GRM8: variants seen among roughly 807,000 people sequenced by gnomAD.
GRM8 encodes glutamate metabotropic receptor 8, also known as metabotropic glutamate receptor 8.
In GRM8, 47 loss-of-function variants were observed where a neutral mutation model predicts 87.2. The ratio of observed to expected loss-of-function variants is 0.54; its 90% CI spans 0.43 to 0.69. The LOEUF (loss-of-function observed/expected upper bound fraction) is 0.69, where lower values mean the gene tolerates loss of function less well. Ranked by LOEUF, GRM8 falls within the 30% of genes least tolerant of loss-of-function variation. The pLI, the probability that GRM8 is intolerant of heterozygous loss-of-function variation, is 0.00. For missense variants in GRM8, 1,019 were observed against 1,139.2 expected, an observed-to-expected ratio of 0.89 and a Z score of 1.52; for synonymous variants, 396 against 404.5, an observed-to-expected ratio of 0.98 and a Z score of 0.25.
intron 3 of GRM8, among the ~76,000 whole-genome samples, chr7:127,096,317 T>C (rs1563503450): frequency 6.6e-6 from 1 of 152,160 alleles, no homozygotes; most frequent in Non-Finnish European, 1.5e-5. Flanking sequence ...GCCAGCACTT[T>C]GGGAGGCCAA....
chr7:126,982,617 A>G (rs927799087), intron 3 of GRM8, among the ~76,000 whole-genome samples: 9 of 152,242 alleles, frequency 5.9e-5, no homozygotes, highest in Non-Finnish European at 1.3e-4. Flanking sequence ...CTTATGTCAC[A>G]TGATAAAGGA....
At chr7:126,806,755 GC>G (rs1563205430) in intron 6 of GRM8, among the ~76,000 whole-genome samples, 1 of 152,198 alleles carries the variant, frequency 6.6e-6, no homozygotes, top group Non-Finnish European at 1.5e-5. Flanking sequence ...GAGGGAGCTC[GC>G]CCCCCAGTCA....
intron 3 of GRM8, among the ~76,000 whole-genome samples, chr7:127,055,591 C>T (rs1375028648): frequency 1.3e-5 from 2 of 152,084 alleles, no homozygotes; most frequent in Non-Finnish European, 2.9e-5. Flanking sequence ...TTGCAAAAGA[C>T]TTATTCACAT....
At chr7:126,836,531 C>T (rs928825700) in intron 6 of GRM8, among the ~76,000 whole-genome samples, 3 of 151,878 alleles carry the variant, frequency 2.0e-5, no homozygotes, top group Non-Finnish European at 4.4e-5. Flanking sequence ...TTCTCTCCTC[C>T]TCATTCACAC....
chr7:126,833,713 T>C (rs951509418), intron 6 of GRM8, among the ~76,000 whole-genome samples: 2 of 152,188 alleles, frequency 1.3e-5, no homozygotes, highest in Non-Finnish European at 2.9e-5. Flanking sequence ...TGCCTGCTAA[T>C]CCTATCACAT....
intron 6 of GRM8, among the ~76,000 whole-genome samples, chr7:126,880,312 G>T (rs1315113010): frequency 6.6e-6 from 1 of 152,180 alleles, no homozygotes; most frequent in Non-Finnish European, 1.5e-5. Flanking sequence ...AGGATTACTT[G>T]TCCCAAGTTC....
At chr7:126,750,807 AT>A (rs1816331639) in intron 7 of GRM8, among the ~76,000 whole-genome samples, 1 of 151,924 alleles carries the variant, frequency 6.6e-6, no homozygotes, top group South Asian at 2.1e-4. Context: ...TTAGACACAT[AT>A]TTTTTTCACT....
chr7:126,499,090 G>A (rs558963103), intron 9 of GRM8, among the ~76,000 whole-genome samples: 20 of 151,864 alleles, frequency 1.3e-4, no homozygotes, highest in African/African-American at 4.6e-4. Context: ...TATCTTTTCC[G>A]TTTATGAAGT....
intron 6 of GRM8, among the ~76,000 whole-genome samples, chr7:126,791,911 ACT>A (rs1450553493): frequency 6.6e-6 from 1 of 152,166 alleles, no homozygotes; most frequent in African/African-American, 2.4e-5. Context: ...ACACCTGAGC[ACT>A]CTGTGTTCCT....
At chr7:126,835,800 A>G (rs1449829784) in intron 6 of GRM8, among the ~76,000 whole-genome samples, 4 of 152,212 alleles carry the variant, frequency 2.6e-5, no homozygotes, top group Admixed American at 6.5e-5. Flanking sequence ...AATTAATTCA[A>G]AGGACAGAAG....
chr7:126,791,664 C>CTT (rs571081648), intron 6 of GRM8, among the ~76,000 whole-genome samples: 132 of 152,318 alleles, frequency 8.7e-4, no homozygotes, highest in African/African-American at 3.1e-3. Context: ...AAGTAATTTG[C>CTT]TCATAGTCAT....
At chr7:126,823,213 A>T (rs1410567151) in intron 6 of GRM8, among the ~76,000 whole-genome samples, 1 of 152,254 alleles carries the variant, frequency 6.6e-6, no homozygotes, top group African/African-American at 2.4e-5. Flanking sequence ...ACAAAAGAAA[A>T]GCTTCTATTT....
intron 6 of GRM8, among the ~76,000 whole-genome samples, chr7:126,868,605 T>C (rs1256277862): frequency 6.6e-6 from 1 of 152,224 alleles, no homozygotes; most frequent in Non-Finnish European, 1.5e-5. Flanking sequence ...GTGCACGTTT[T>C]GTTCTAGACT....
At chr7:127,054,795 C>A (rs1819824269) in intron 3 of GRM8, among the ~76,000 whole-genome samples, 1 of 151,420 alleles carries the variant, frequency 6.6e-6, no homozygotes, top group Admixed American at 6.6e-5. Flanking sequence ...TTGTATAAAC[C>A]AAAATAGATA....
intron 3 of GRM8, chr7:127,075,904 TC>T (rs1365782532): frequency 7.9e-6 from 2 of 253,760 alleles, no homozygotes; most frequent in Non-Finnish European, 1.6e-5. Context: ...GGCGAATGAC[TC>T]CCTATCTTAT....
chr7:127,052,397 C>T (rs1262782378), intron 3 of GRM8, among the ~76,000 whole-genome samples: 3 of 152,182 alleles, frequency 2.0e-5, no homozygotes, highest in African/African-American at 7.2e-5. Flanking sequence ...CTTAATAGCC[C>T]CTTGTTTACA....
Position 127,014,301 on chromosome 7 carries a change from C to T in GRM8, c.727+92195G>A, listed in dbSNP as rs567851785. 5.3e-5 allele frequency among the ~76,000 whole-genome samples: 8 copies of T among 152,252 alleles called. No homozygotes were observed. In the South Asian group the frequency reaches 6.2e-4, roughly 12 times the overall value. ...ATTTATTATATAACCATGACCAAGA[C>T]TTTAACTTATCTAGTACTCAAAAGC... On this transcript the variant is annotated intron_variant, in intron 3 of 10. Transcript: ENST00000339582.
intron 9 of GRM8, among the ~76,000 whole-genome samples, chr7:126,477,510 T>A (rs899142908): frequency 8.6e-5 from 13 of 151,486 alleles, no homozygotes; most frequent in African/African-American, 3.2e-4. Flanking sequence ...TATATATACT[T>A]TTTATTTGTC....
At chr7:127,098,538 C>A (rs1344809873) in intron 3 of GRM8, among the ~76,000 whole-genome samples, 3 of 151,970 alleles carry the variant, frequency 2.0e-5, no homozygotes, top group Non-Finnish European at 4.4e-5. Flanking sequence ...CAATTGTACA[C>A]TAGGGATGAA....
Sources: allele counts gnomAD v4.1 joint callset (sites outside exome capture counted in the v4.1 genomes callset), GRCh38; gene constraint gnomAD v4.1.1; transcripts MANE v1.5; gene names NCBI Gene and HGNC (gene_info 2026-07-23, HGNC 2026-07-21).